ZNF461: variants seen among roughly 807,000 people sequenced by gnomAD.
ZNF461 encodes the protein zinc finger protein 461, also known as gonadotropin-inducible ovarian transcription factor-1.
Under a neutral mutation model 18.3 loss-of-function variants are expected in ZNF461, and 16 were observed. That is an observed-to-expected ratio of 0.88 (90% confidence interval 0.59 to 1.33). The LOEUF is 1.33. Among genes scored for constraint, ZNF461 ranks in the 40% most tolerant of loss-of-function variants. The probability of loss-of-function intolerance (pLI) is 0.00; values close to 1 mark genes in which losing one functional copy is unlikely to be tolerated. For missense variants in ZNF461, 595 were observed against 669.9 expected, an observed-to-expected ratio of 0.89 and a Z score of 1.23; for synonymous variants, 179 against 216.9, an observed-to-expected ratio of 0.83 and a Z score of 1.54.
At chr19:36,664,418 T>C (rs1330134463) in intron 2 of ZNF461, among the ~76,000 whole-genome samples, 1 of 152,074 alleles carries the variant, frequency 6.6e-6, no homozygotes, top group Non-Finnish European at 1.5e-5. Context: ...CAAAACCCCG[T>C]ATCTACTTAG....
Position 36,643,830 on chromosome 19 carries a change from A to G in ZNF461, c.265T>C (p.Phe89Leu). 6.5e-7 allele frequency: 1 copy of G among 1,540,880 alleles called. No homozygotes were observed. The highest frequency in any genetic ancestry group is 8.8e-7 in the Non-Finnish European group (1 of 1,141,268). ...TWKTWGFHNN[F>L]LDNNEATDIN... ...TCTGTAGCCTCATTATTGTCCAAGA[A>G]ATTATTGTGAAATCCCCAAGTTTTC... is the stretch of plus-strand genomic sequence containing the variant. The change falls in exon 5 of 6, where the codon TTC becomes CTC. Residue 89 changes from phenylalanine to leucine, a missense_variant. Transcript: ENST00000588268.
chr19:36,665,449 G>T (rs568056591), intron 1 of ZNF461, among the ~76,000 whole-genome samples: 3 of 152,264 alleles, frequency 2.0e-5, no homozygotes, highest in Admixed American at 6.5e-5. Flanking sequence ...GGTGGCTCAC[G>T]CCTGTAATCC....
Position 36,643,832 on chromosome 19 carries a change from T to C in ZNF461, c.263A>G (p.Asn88Ser). 2 of 1,540,764 alleles carry C rather than the reference T, an allele frequency of 1.3e-6. No homozygotes were observed. The highest frequency in any genetic ancestry group is 1.8e-6 in the Non-Finnish European group (2 of 1,141,184). ...TGTAGCCTCATTATTGTCCAAGAAA[T>C]TATTGTGAAATCCCCAAGTTTTCCA... ...GTWKTWGFHN[N>S]FLDNNEATDI... is the part of the protein sequence containing the mutation. The change falls in exon 5 of 6, where the codon AAT becomes AGT. Residue 88 changes from asparagine (N) to serine (S), a missense_variant. Physicochemically the swap from Asn to Ser is conservative, Grantham distance 46. Transcript: ENST00000588268.
intron 4 of ZNF461, among the ~76,000 whole-genome samples, chr19:36,649,626 C>T (rs3108208): frequency 0.68 from 102,669 of 151,970 alleles, 35,038 homozygotes; most frequent in East Asian, 0.82. Context: ...CCACTGCGCC[C>T]GGCCTGAGCC....
intron 2 of ZNF461, among the ~76,000 whole-genome samples, chr19:36,660,666 A>G: frequency 6.6e-6 from 1 of 151,666 alleles, no homozygotes; most frequent in East Asian, 1.9e-4. Context: ...CCTAGCTAAA[A>G]TCCTTTAAAA....
In ZNF461 at chr19:36,639,328, A is replaced by C. The variant is rs1600408742; in HGVS notation, c.1017T>G (p.Ile339Met). Residue 339 changes from isoleucine to methionine, a missense_variant, in exon 6 of 6, where the codon ATT becomes ATG. Coordinates refer to ENST00000588268, the MANE Select transcript of ZNF461 (RefSeq NM_153257.5). ...GGTGTTCAGTAAGTTGAAAGCCACG[A>C]ATAAAAGCCTTCCCACATTGCTTAC... ...YECKQCGKAF[I>M]RGFQLTEHLR... 6.2e-6 allele frequency: 10 copies of C among 1,613,560 alleles called. No individual in the cohort carries two copies. The East Asian group carries it at 2.2e-4, about 36-fold the overall frequency.
At position 36,638,141 on chromosome 19, in the gene ZNF461, C is replaced by T; in HGVS notation, c.*512G>A. ...ACATACATTCCATTCTAGAAATATTCTGAACCTTACAAAGAATGGGTTACA... is the reference window on the plus strand; with the variant it reads ...ACATACATTCCATTCTAGAAATATTTTGAACCTTACAAAGAATGGGTTACA... On this transcript the variant is annotated 3_prime_UTR_variant, in exon 6 of 6. Transcript: ENST00000588268. 1 of 184,738 alleles carries T rather than the reference C, an allele frequency of 5.4e-6. No individual in the cohort carries two copies. Among genetic ancestry groups the T allele is most frequent in the South Asian group, 1.0e-4 (1 of 9,888 alleles). 11.4% of individuals were successfully genotyped at this position (184,738 alleles called of 1,614,324 possible).
Position 36,638,434 on chromosome 19 carries a change from AT to A in ZNF461, c.*218del. The A allele has an allele frequency of 2.7e-6, 1 of 370,056 alleles. No individual in the cohort carries two copies. Among genetic ancestry groups the A allele is most frequent in the Non-Finnish European group, 4.8e-6 (1 of 208,194 alleles). The allele number at this position is 370,056 out of a possible 1,614,324, so 22.9% of individuals were successfully genotyped here. On this transcript the variant is annotated 3_prime_UTR_variant, in exon 6 of 6. Transcript: ENST00000588268. ...TGAAACATGTAATTTTAGAAAATTT[AT>A]TCTCAATAAAAAAATTTATTCTCAA...
intron 2 of ZNF461, among the ~76,000 whole-genome samples, chr19:36,664,013 T>C (rs1600450756): frequency 6.6e-6 from 1 of 152,306 alleles, no homozygotes; most frequent in East Asian, 1.9e-4. Context: ...AGAATGCCTG[T>C]CACATAGTAG....
At chr19:36,658,967 C>G (rs532761117) in intron 2 of ZNF461, among the ~76,000 whole-genome samples, 1 of 152,250 alleles carries the variant, frequency 6.6e-6, no homozygotes, top group East Asian at 1.9e-4. Context: ...GGTCTGTGCC[C>G]CCTTCTCTTG....
intron 5 of ZNF461, among the ~76,000 whole-genome samples, chr19:36,641,249 G>A (rs2037417187): frequency 6.6e-6 from 1 of 152,064 alleles, no homozygotes; most frequent in African/African-American, 2.4e-5. Context: ...GCCAGGCATG[G>A]TGGCTTATAC....
chr19:36,642,849 G>A (rs1201494861), intron 5 of ZNF461, among the ~76,000 whole-genome samples: 1 of 151,844 alleles, frequency 6.6e-6, no homozygotes, highest in Non-Finnish European at 1.5e-5. Flanking sequence ...CCGCCTCCTG[G>A]GTTCAAGTGA....
At chr19:36,653,400 A>G (rs79363948) in intron 4 of ZNF461, among the ~76,000 whole-genome samples, 1 of 152,338 alleles carries the variant, frequency 6.6e-6, no homozygotes, top group African/African-American at 2.4e-5. Context: ...ACATTTATGA[A>G]ATTACATAAT....
chr19:36,657,914 C>G (rs2037752155), intron 3 of ZNF461, among the ~76,000 whole-genome samples: 1 of 152,220 alleles, frequency 6.6e-6, no homozygotes, highest in African/African-American at 2.4e-5. Context: ...AAGAAAAAAG[C>G]TTCACTCCTG....
At chr19:36,654,504 C>T (rs1195786274) in intron 4 of ZNF461, among the ~76,000 whole-genome samples, 1 of 152,048 alleles carries the variant, frequency 6.6e-6, no homozygotes, top group Non-Finnish European at 1.5e-5. Flanking sequence ...GTAGATGGGA[C>T]TACAGGTAGC....
chr19:36,658,388 G>C lies in ZNF461; in HGVS notation c.47C>G (p.Ser16Cys). ...VMFRDVAIDVSQEEWECLNPA... is the reference protein window; with the variant it reads ...VMFRDVAIDVCQEEWECLNPA... ...GTTCAGGCATTCCCATTCCTCCTGA[G>C]AGACATCTATAGCCACATCTCTGAA... The change falls in exon 3 of 6, where the codon TCT becomes TGT. Residue 16 changes from serine (S) to cysteine (C), a missense_variant. By Grantham distance (112) the Ser-to-Cys change is moderately radical. Coordinates refer to ENST00000588268, the MANE Select transcript of ZNF461 (RefSeq NM_153257.5). The C allele has an allele frequency of 6.2e-7, 1 of 1,611,580 alleles. No individual in the cohort carries two copies. Among genetic ancestry groups the C allele is most frequent in the Admixed American group, 1.7e-5 (1 of 59,630 alleles).
rs558895622 is a variant in ZNF461, at chr19:36,643,934, T to A, written c.233-72A>T. The A allele has an allele frequency of 9.0e-6, 11 of 1,223,932 alleles. No homozygotes were observed. The East Asian group carries it at 3.3e-4, about 36-fold the overall frequency. 75.8% of individuals were successfully genotyped at this position (1,223,932 alleles called of 1,614,324 possible). A position where few individuals can be genotyped will look rare whatever the true frequency, so the allele number is the denominator to read the frequency against. On this transcript the variant is annotated intron_variant, in intron 4 of 5. Coordinates refer to ENST00000588268, the MANE Select transcript of ZNF461 (RefSeq NM_153257.5). Reference sequence around the variant, plus strand: ...TATTATACAATAAAAAGAGAATATCTATTTCTTTTTCTTTTTAGACAGAGT... The same window carrying A: ...TATTATACAATAAAAAGAGAATATCAATTTCTTTTTCTTTTTAGACAGAGT...
chr19:36,658,672 T>C, intron 2 of ZNF461: 1 of 351,988 alleles, frequency 2.8e-6, no homozygotes, highest in Non-Finnish European at 5.1e-6. Flanking sequence ...ATCAGTCATC[T>C]CAAAACTAAG....
In ZNF461 at chr19:36,636,836, A is replaced by AT. The variant is rs576455164; in HGVS notation, c.*1816dup. On this transcript the variant is annotated 3_prime_UTR_variant, in exon 6 of 6. Transcript: ENST00000588268. ...TAACTACTGATTTATTCTTTTACTTATCAGAGAGCAGCTGTGGGGAGTGGG... is the reference window on the plus strand; with the variant it reads ...TAACTACTGATTTATTCTTTTACTTATTCAGAGAGCAGCTGTGGGGAGTGGG... 1.3e-5 allele frequency among the ~76,000 whole-genome samples: 2 copies of AT among 152,214 alleles called. No individual in the cohort carries two copies. The highest frequency in any genetic ancestry group is 4.1e-4 in the South Asian group (2 of 4,834).
Sources: allele counts gnomAD v4.1 joint callset (sites outside exome capture counted in the v4.1 genomes callset), GRCh38; gene constraint gnomAD v4.1.1; transcripts MANE v1.5; gene names NCBI Gene and HGNC (gene_info 2026-07-23, HGNC 2026-07-21).